CAPS2: variants seen among roughly 807,000 people sequenced by gnomAD.
CAPS2 encodes calcyphosine 2, also known as calcyphosin-2.
Under a neutral mutation model 86.5 loss-of-function variants are expected in CAPS2, and 98 were observed. That is an observed-to-expected ratio of 1.13 (90% CI 0.96 to 1.34). CAPS2 has a LOEUF of 1.34. Among genes scored for constraint, CAPS2 ranks in the 40% most tolerant of loss-of-function variants. The pLI is 0.00. For missense variants in CAPS2, 729 were observed against 686.8 expected, an observed-to-expected ratio of 1.06 and a Z score of -0.69; for synonymous variants, 210 against 225.1, an observed-to-expected ratio of 0.93 and a Z score of 0.60.
At chr12:75,305,638 G>A (rs1350817308) in intron 7 of CAPS2, 2 of 627,690 alleles carry the variant, frequency 3.2e-6, no homozygotes, top group African/African-American at 3.6e-5. Context: ...AGCAGGCCGC[G>A]GAGAAGGGCG....
intron 1 of CAPS2, among the ~76,000 whole-genome samples, chr12:75,376,332 A>T (rs1593909835): frequency 6.6e-6 from 1 of 152,144 alleles, no homozygotes; most frequent in South Asian, 2.1e-4. Context: ...CCATTCCCAT[A>T]CCTGTTCTCC....
In CAPS2 at chr12:75,291,739, C is replaced by T; in HGVS notation, c.1240+5G>A. On this transcript the variant is annotated splice_donor_5th_base_variant and intron_variant, in intron 13 of 16. Coordinates refer to ENST00000393284, the Ensembl canonical transcript of CAPS2. ...AGTACTTGAGAGTACAGTAATAACA[C>T]ATACCTTGAATTGCTTTGAAGACCA... The T allele has an allele frequency of 2.6e-6, 4 of 1,520,582 alleles. No individual in the cohort carries two copies. Among genetic ancestry groups the T allele is most frequent in the South Asian group, 1.2e-5 (1 of 82,172 alleles). The allele number at this position is 1,520,582 out of a possible 1,614,324, so 94.2% of individuals were successfully genotyped here.
At chr12:75,294,198 C>A (rs2036494633) in intron 11 of CAPS2, among the ~76,000 whole-genome samples, 1 of 152,050 alleles carries the variant, frequency 6.6e-6, no homozygotes, top group Non-Finnish European at 1.5e-5. Context: ...CTTGCCTGGG[C>A]CTCCCAAAGC....
chr12:75,316,134 A>G (rs2039731388), intron 6 of CAPS2, 178 bp downstream of exon 6: 1 of 848,580 alleles, frequency 1.2e-6, no homozygotes. Flanking sequence ...TTTTTACAGA[A>G]TATATACCAA....
chr12:75,306,141 C>A, intron 7 of CAPS2: 1 of 1,095,060 alleles, frequency 9.1e-7, no homozygotes, highest in Non-Finnish European at 1.4e-6. Flanking sequence ...GGAAGCTCAT[C>A]ACCGAGGAGT....
At chr12:75,355,834 G>A (rs949037793) in intron 1 of CAPS2, among the ~76,000 whole-genome samples, 1 of 152,148 alleles carries the variant, frequency 6.6e-6, no homozygotes, top group Non-Finnish European at 1.5e-5. Context: ...GCAGGGACAT[G>A]GATGGAGCTA....
chr12:75,338,883 A>T (rs889526213), intron 1 of CAPS2, among the ~76,000 whole-genome samples: 1 of 152,208 alleles, frequency 6.6e-6, no homozygotes, highest in African/African-American at 2.4e-5. Flanking sequence ...TAGTTTGCTG[A>T]GGATAATAGC....
intron 8 of CAPS2, 65 bp from the exon 9 acceptor site, chr12:75,299,976 T>C: frequency 3.2e-6 from 2 of 631,940 alleles, no homozygotes; most frequent in Admixed American, 3.1e-5. Flanking sequence ...AAATTGTAAA[T>C]GTACAAAAAA....
At chr12:75,334,437 T>C (rs2041563785), upstream of CAPS2, 2 of 1,197,200 alleles carry the variant, frequency 1.7e-6, no homozygotes, top group Non-Finnish European at 2.1e-6. Flanking sequence ...AGACGCGCTC[T>C]GCAGATTACA....
intron 1 of CAPS2, chr12:75,367,156 G>A: frequency 1.6e-6 from 1 of 615,684 alleles, no homozygotes; most frequent in South Asian, 1.9e-5. Context: ...ACCAAATAGG[G>A]TACCCAAAAG....
intron 7 of CAPS2, chr12:75,306,168 C>A: frequency 1.1e-6 from 1 of 908,338 alleles, no homozygotes; most frequent in Non-Finnish European, 1.8e-6. Context: ...AGCAGAATTA[C>A]CTGAAGTACC....
intron 1 of CAPS2, among the ~76,000 whole-genome samples, chr12:75,370,804 G>A (rs1348202500): frequency 6.6e-6 from 1 of 152,088 alleles, no homozygotes; most frequent in Non-Finnish European, 1.5e-5. Context: ...TATAAAATTA[G>A]TATAGGTAAC....
rs539819168 is a variant in CAPS2 at position 75,280,460 on chromosome 12, CCAA to C, written c.1613-1398_1613-1396del. Among the ~76,000 whole-genome samples, 130 of 151,546 alleles carry C rather than the reference CCAA, an allele frequency of 8.6e-4. 1 individual carries two copies. Among genetic ancestry groups the C allele is most frequent in the African/African-American group, 2.8e-3 (116 of 41,410 alleles). ...ATTTTTGAAACCAAAAAAGGCTTTC[CCAA>C]CAACAACAAAAATAAAACCCTCATC... On this transcript the variant is annotated intron_variant, in intron 16 of 16. Coordinates refer to ENST00000393284, the Ensembl canonical transcript of CAPS2.
At chr12:75,321,538 T>C in exon 5 of CAPS2, 1 of 1,549,572 alleles carries the variant, frequency 6.5e-7, no homozygotes, top group Non-Finnish European at 8.7e-7. Flanking sequence ...TACATTTGTC[T>C]GTTGGTGCTG....
chr12:75,290,944 A>AC (rs1565790919), intron 13 of CAPS2, among the ~76,000 whole-genome samples: 13 of 151,800 alleles, frequency 8.6e-5, no homozygotes, highest in East Asian at 5.8e-4. Flanking sequence ...ACAAAAAAAA[A>AC]ACATAAATTA....
intron 7 of CAPS2, among the ~76,000 whole-genome samples, chr12:75,306,732 A>G (rs1050359233): frequency 6.6e-6 from 1 of 152,140 alleles, no homozygotes; most frequent in Non-Finnish European, 1.5e-5. Flanking sequence ...AGAACTCACC[A>G]GCAAAGCTGG....
downstream of CAPS2, chr12:75,276,496 T>C (rs1450801598): frequency 1.0e-6 from 1 of 971,216 alleles, no homozygotes; most frequent in East Asian, 1.1e-4. Flanking sequence ...GAGTCGCTGG[T>C]TCATTAGCAC....
chr12:75,285,802 T>A (rs375522182), intron 14 of CAPS2, among the ~76,000 whole-genome samples: 13 of 152,068 alleles, frequency 8.5e-5, no homozygotes, highest in African/African-American at 2.4e-4. Context: ...AAAAGTCACA[T>A]CCGGTCCTGG....
At chr12:75,389,391 C>G (rs1352231338) in intron 1 of CAPS2, among the ~76,000 whole-genome samples, 1 of 152,102 alleles carries the variant, frequency 6.6e-6, no homozygotes, top group African/African-American at 2.4e-5. Context: ...AATGGGCTTC[C>G]CTGTTGGTCT....
Sources: gnomAD v4.1 joint callset for allele counts (sites outside exome capture counted in the v4.1 genomes callset) on GRCh38, gnomAD v4.1.1 for gene constraint, MANE v1.5 for transcripts, NCBI Gene and HGNC (gene_info 2026-07-23, HGNC 2026-07-21) for gene names.